Variants in BLTP1 observed in about 807,000 individuals in gnomAD.
BLTP1 encodes the protein bridge-like lipid transfer protein family member 1.
the BLTP1 span, among the ~76,000 whole-genome samples, chr4:122,351,865 T>A: frequency 2.0e-5 from 3 of 152,166 alleles, no homozygotes; most frequent in Non-Finnish European, 4.4e-5. Flanking sequence ...AATAAATGAA[T>A]ACAATTCATG....
the BLTP1 span, chr4:122,292,554 T>C: frequency 3.5e-6 from 3 of 858,976 alleles, no homozygotes; most frequent in Non-Finnish European, 4.2e-6. Context: ...CAGAAGAAAA[T>C]AGTATGTTAA....
the BLTP1 span, chr4:122,269,064 A>C: frequency 1.0e-6 from 1 of 955,200 alleles, no homozygotes; most frequent in Non-Finnish European, 1.2e-6. Context: ...ATCCAGACCC[A>C]AAACATTAAT....
At chr4:122,264,127 T>TG in the BLTP1 span, 1 of 1,259,402 alleles carries the variant, frequency 7.9e-7, no homozygotes, top group Non-Finnish European at 1.0e-6. Context: ...TTTTTTTCTT[T>TG]TCAATTTAAT....
At chr4:122,274,734 A>T in the BLTP1 span, 3 of 481,002 alleles carry the variant, frequency 6.2e-6, no homozygotes, top group African/African-American at 6.3e-5. Flanking sequence ...CTTTCTTAAT[A>T]TTATGACTAG....
chr4:122,159,187 C>T, the BLTP1 span, among the ~76,000 whole-genome samples: 124 of 152,034 alleles, frequency 8.2e-4, no homozygotes, highest in African/African-American at 2.7e-3. Flanking sequence ...TGGCTGGGCG[C>T]GGTGGGTGGC....
the BLTP1 span, chr4:122,349,423 CA>C: frequency 4.5e-6 from 7 of 1,561,450 alleles, no homozygotes; most frequent in Non-Finnish European, 6.1e-6. This position sits in a 1 kb window ranked among gnomAD's most constrained non-coding sequence, Gnocchi z 4.5. Context: ...ACATGTCTGT[CA>C]AAATTAATTA....
the BLTP1 span, chr4:122,219,167 A>G: frequency 5.1e-6 from 5 of 983,470 alleles, no homozygotes; most frequent in African/African-American, 1.7e-5. Flanking sequence ...CCAAGCAGCT[A>G]TGTGTAAGTC....
chr4:122,152,468 C>T, the BLTP1 span: 1 of 985,732 alleles, frequency 1.0e-6, no homozygotes, highest in Non-Finnish European at 1.2e-6. Context: ...GGCAGAGCTT[C>T]GCAGGCTGCA....
At chr4:122,209,746 C>A in the BLTP1 span, 1 of 1,534,932 alleles carries the variant, frequency 6.5e-7, no homozygotes, top group East Asian at 2.4e-5. Flanking sequence ...ATTTGATTAT[C>A]TGCAACTGGT....
chr4:122,210,959 C>G, the BLTP1 span: 1 of 1,612,898 alleles, frequency 6.2e-7, no homozygotes, highest in South Asian at 1.1e-5. Flanking sequence ...GTTGTTTCTT[C>G]TCCCTCTACT....
chr4:122,289,207 T>G, the BLTP1 span: 2 of 1,545,158 alleles, frequency 1.3e-6, no homozygotes, highest in African/African-American at 2.7e-5. Flanking sequence ...GATGATCTAG[T>G]ACCTTATAGT....
At chr4:122,155,512 C>CA in the BLTP1 span, among the ~76,000 whole-genome samples, 1 of 152,068 alleles carries the variant, frequency 6.6e-6, no homozygotes, top group African/African-American at 2.4e-5. Flanking sequence ...TTGGTAGAGA[C>CA]AGAGTTTCAC....
At chr4:122,357,488 C>T in the BLTP1 span, among the ~76,000 whole-genome samples, 1 of 151,528 alleles carries the variant, frequency 6.6e-6, no homozygotes, top group East Asian at 1.9e-4. Flanking sequence ...ATCGCTTGAG[C>T]CTGGGAGTTC....
the BLTP1 span, chr4:122,304,674 G>A: frequency 3.5e-6 from 5 of 1,446,374 alleles, no homozygotes; most frequent in African/African-American, 1.4e-5. Context: ...TATCTCCAAG[G>A]TATGCCTGTT....
the BLTP1 span, among the ~76,000 whole-genome samples, chr4:122,197,650 T>C: frequency 6.6e-6 from 1 of 152,086 alleles, no homozygotes; most frequent in South Asian, 2.1e-4. Context: ...CAGTAATTGA[T>C]TGGATGACTG....
the BLTP1 span, chr4:122,189,245 A>T: frequency 1.1e-6 from 1 of 928,764 alleles, no homozygotes; most frequent in Non-Finnish European, 1.3e-6. Flanking sequence ...AAAAAATTGC[A>T]AGTTTTTGCA....
the BLTP1 span, among the ~76,000 whole-genome samples, chr4:122,253,503 C>A: frequency 6.6e-6 from 1 of 151,888 alleles, no homozygotes; most frequent in East Asian, 1.9e-4. Flanking sequence ...ATCCAAGTGA[C>A]ATAGTGAAGA....
chr4:122,315,293 A>T, the BLTP1 span: 6 of 415,156 alleles, frequency 1.4e-5, no homozygotes, highest in Non-Finnish European at 1.9e-5. Flanking sequence ...CAGAGGAAAC[A>T]GTAGATGCAC....
At chr4:122,208,010 G>A in the BLTP1 span, 1 of 985,160 alleles carries the variant, frequency 1.0e-6, no homozygotes, top group Non-Finnish European at 1.2e-6. Flanking sequence ...AACCACAGTA[G>A]CTTTCTTCCT....
Sources: allele counts gnomAD v4.1 joint callset (sites outside exome capture counted in the v4.1 genomes callset), GRCh38; gene constraint gnomAD v4.1.1; non-coding constraint Gnocchi (gnomAD v3.1); transcripts MANE v1.5; gene names NCBI Gene and HGNC (gene_info 2026-07-23, HGNC 2026-07-21).